Variants in ZMAT4 observed in about 807,000 individuals in gnomAD.
ZMAT4 encodes the protein zinc finger matrin-type protein 4.
Under a neutral mutation model 28.7 loss-of-function variants are expected in ZMAT4, and 17 were observed. The observed-to-expected ratio is 0.59, with a 90% CI of 0.41 to 0.89. The LOEUF (loss-of-function observed/expected upper bound fraction) is 0.89, where lower values mean the gene tolerates loss of function less well. Ranked by LOEUF, ZMAT4 falls within the 40% of genes least tolerant of loss-of-function variation. ZMAT4 has a pLI of 0.00. For synonymous variants in ZMAT4, 117 were observed against 109.2 expected (o/e 1.07, Z -0.44); for missense variants, 240 against 283.8 (o/e 0.85, Z 1.11).
intron 5 of ZMAT4, among the ~76,000 whole-genome samples, chr8:40,655,739 T>A (rs1261941061): frequency 6.6e-6 from 1 of 152,094 alleles, no homozygotes; most frequent in African/African-American, 2.4e-5. Flanking sequence ...CCATTACAAC[T>A]AAATTCCACA....
In ZMAT4 at chr8:40,715,460, C is replaced by A. The variant is rs112351190; in HGVS notation, c.193-18059G>T. Among the ~76,000 whole-genome samples, 1,394 of 152,182 alleles carry A rather than the reference C, an allele frequency of 9.2e-3. 21 individuals are homozygous for A. Among genetic ancestry groups the A allele is most frequent in the African/African-American group, 0.032 (1,342 of 41,506 alleles). ...GTAGAAACAAAACCTGAAAGGCAAGCCTCTAAATATTAAAAAGGTGATATA... is the reference window on the plus strand; with the variant it reads ...GTAGAAACAAAACCTGAAAGGCAAGACTCTAAATATTAAAAAGGTGATATA... On this transcript the variant is annotated intron_variant, in intron 3 of 6. Coordinates refer to ENST00000297737, the MANE Select transcript of ZMAT4 (RefSeq NM_024645.3).
intron 4 of ZMAT4, among the ~76,000 whole-genome samples, chr8:40,680,700 G>GCA (rs111761901): frequency 0.12 from 17,345 of 149,094 alleles, 1,059 homozygotes; most frequent in Middle Eastern, 0.18. Context: ...CATGTCTAAT[G>GCA]TACACACACA....
At chr8:40,586,493 A>G (rs532334364) in intron 5 of ZMAT4, among the ~76,000 whole-genome samples, 18 of 152,330 alleles carry the variant, frequency 1.2e-4, no homozygotes, top group African/African-American at 3.6e-4. Context: ...TACAATGAGG[A>G]TGAAGTGAAA....
intron 3 of ZMAT4, among the ~76,000 whole-genome samples, chr8:40,723,993 C>G (rs182069910): frequency 6.6e-6 from 1 of 152,298 alleles, no homozygotes; most frequent in East Asian, 1.9e-4. Flanking sequence ...CATCCCTTCA[C>G]TTGCTCCCAG....
At chr8:40,608,950 C>T (rs1805697618) in intron 5 of ZMAT4, among the ~76,000 whole-genome samples, 1 of 152,134 alleles carries the variant, frequency 6.6e-6, no homozygotes, top group Admixed American at 6.5e-5. Context: ...CAAGTTGTTA[C>T]CTTCAAAGGG....
chr8:40,651,103 A>G (rs1807625085), intron 5 of ZMAT4, among the ~76,000 whole-genome samples: 1 of 152,090 alleles, frequency 6.6e-6, no homozygotes, highest in African/African-American at 2.4e-5. Flanking sequence ...AAGGAAATAA[A>G]GGGTATTCAG....
At chr8:40,768,799 C>T (rs112426506) in intron 2 of ZMAT4, among the ~76,000 whole-genome samples, 1,650 of 152,272 alleles carry the variant, frequency 0.011, 22 homozygotes, top group African/African-American at 0.038. Flanking sequence ...CTATTGTTCC[C>T]TAATTCCAAT....
chr8:40,697,159 C>A, intron 4 of ZMAT4, 86 bp downstream of exon 4: 1 of 1,435,442 alleles, frequency 7.0e-7, no homozygotes, highest in Non-Finnish European at 9.3e-7. Flanking sequence ...GTTCTGGCAA[C>A]TGCGTCTGAA....
At position 40,722,262 on chromosome 8, in the gene ZMAT4, C is replaced by T. The variant is rs527945187; in HGVS notation, c.193-24861G>A. Reference sequence around the variant, plus strand: ...AACCTACAAAATGGGAGAAAATTTTCGCAACCTACTCATCTGACAAAGGGC... The same window carrying T: ...AACCTACAAAATGGGAGAAAATTTTTGCAACCTACTCATCTGACAAAGGGC... On this transcript the variant is annotated intron_variant, in intron 3 of 6. Transcript: ENST00000297737. Among the ~76,000 whole-genome samples, 7 of 152,198 alleles carry T rather than the reference C, an allele frequency of 4.6e-5. No individual in the cohort carries two copies. In the South Asian group the frequency reaches 1.0e-3, roughly 23 times the overall value.
At chr8:40,700,220 G>C (rs1324231370) in intron 3 of ZMAT4, among the ~76,000 whole-genome samples, 1 of 151,350 alleles carries the variant, frequency 6.6e-6, no homozygotes, top group East Asian at 2.0e-4. Flanking sequence ...TCTCATATTG[G>C]ACTCACATAC....
At chr8:40,629,592 T>G (rs1806499787) in intron 5 of ZMAT4, among the ~76,000 whole-genome samples, 1 of 136,710 alleles carries the variant, frequency 7.3e-6, no homozygotes, top group Non-Finnish European at 1.6e-5. Context: ...GTGTGTGATG[T>G]TCCTCTTCCT....
chr8:40,781,848 T>C (rs1477174507), intron 2 of ZMAT4, among the ~76,000 whole-genome samples: 1 of 146,118 alleles, frequency 6.8e-6, no homozygotes, highest in African/African-American at 2.5e-5. Context: ...TTGACAACCA[T>C]GCCAGCACAA....
intron 2 of ZMAT4, among the ~76,000 whole-genome samples, chr8:40,790,192 T>A (rs1814264598): frequency 6.6e-6 from 1 of 152,228 alleles, no homozygotes; most frequent in East Asian, 1.9e-4. Flanking sequence ...TGGTCTTCAT[T>A]TATTTCCACA....
chr8:40,550,824 A>G (rs547508751), intron 6 of ZMAT4, among the ~76,000 whole-genome samples: 17 of 152,306 alleles, frequency 1.1e-4, no homozygotes, highest in African/African-American at 3.6e-4. Flanking sequence ...CCCAGTTTCA[A>G]GTATTTCTTC....
At chr8:40,627,092 A>C (rs918904172) in intron 5 of ZMAT4, among the ~76,000 whole-genome samples, 3 of 152,148 alleles carry the variant, frequency 2.0e-5, no homozygotes, top group African/African-American at 7.2e-5. Flanking sequence ...TGCCTGGCCT[A>C]GCAGATACTC....
chr8:40,716,808 T>A (rs1001367193), intron 3 of ZMAT4, among the ~76,000 whole-genome samples: 1 of 152,202 alleles, frequency 6.6e-6, no homozygotes, highest in Non-Finnish European at 1.5e-5. Context: ...AAAGCAAGTC[T>A]CCTTGAGATA....
intron 3 of ZMAT4, among the ~76,000 whole-genome samples, chr8:40,707,606 T>TGTATATGTGTGTGTATACATACATATAA (rs1810417452): frequency 3.3e-5 from 5 of 150,096 alleles, no homozygotes; most frequent in Admixed American, 6.7e-5. Flanking sequence ...TGTGTGAGTA[T>TGTATATGTGTGTGTATACATACATATAA]GTATATGTGT....
intron 5 of ZMAT4, among the ~76,000 whole-genome samples, chr8:40,599,632 C>G (rs1805228297): frequency 6.6e-6 from 1 of 152,250 alleles, no homozygotes; most frequent in Non-Finnish European, 1.5e-5. Flanking sequence ...TTCAACCTGA[C>G]AGCTAAAGTT....
At chr8:40,606,884 G>A (rs1298853995) in intron 5 of ZMAT4, among the ~76,000 whole-genome samples, 1 of 152,000 alleles carries the variant, frequency 6.6e-6, no homozygotes, top group East Asian at 1.9e-4. Context: ...ACTTCTTGGA[G>A]GCTTTGTTCA....
Sources: allele counts gnomAD v4.1 joint callset (sites outside exome capture counted in the v4.1 genomes callset), GRCh38; gene constraint gnomAD v4.1.1; transcripts MANE v1.5; gene names NCBI Gene and HGNC (gene_info 2026-07-23, HGNC 2026-07-21).